The following TCN1 variants were observed in gnomAD, a reference collection of about 807,000 sequenced individuals.
The protein encoded by TCN1 is transcobalamin 1.
A neutral mutation model predicts 46.3 loss-of-function variants in TCN1; 47 were observed. That is an observed-to-expected ratio of 1.01 (90% CI 0.80 to 1.29). The LOEUF (loss-of-function observed/expected upper bound fraction) is 1.29, where lower values mean the gene tolerates loss of function less well. Among genes scored for constraint, TCN1 ranks in the 50% most tolerant of loss-of-function variants. TCN1 has a pLI of 0.00. For missense variants in TCN1, 532 were observed against 511.0 expected (o/e 1.04, Z -0.40); for synonymous variants, 183 against 192.5 (o/e 0.95, Z 0.41).
At position 59,854,699 on chromosome 11, in the gene TCN1, G is replaced by A. The variant is rs1390793924; in HGVS notation, c.1074C>T (p.Phe358=). ...TCTGGGCTTTCTCCATCACACTGAGGAAGACAGAACCATTTAGCACAGTGA... is the reference window on the plus strand; with the variant it reads ...TCTGGGCTTTCTCCATCACACTGAGAAAGACAGAACCATTTAGCACAGTGA... The part of the protein sequence containing the change: ...TNVTVLNGSV[F]LSVMEKAQKM... The change falls in exon 7 of 9, where the codon TTC becomes TTT. Residue 358 remains phenylalanine, a synonymous_variant. Transcript: ENST00000257264. 6 of 1,613,836 alleles carry A rather than the reference G, an allele frequency of 3.7e-6. No homozygotes were observed. Among genetic ancestry groups the A allele is most frequent in the Admixed American group, 1.7e-5 (1 of 59,998 alleles).
intron 5 of TCN1, among the ~76,000 whole-genome samples, chr11:59,858,049 G>T (rs1357993270): frequency 6.6e-6 from 1 of 152,088 alleles, no homozygotes; most frequent in South Asian, 2.1e-4. Context: ...ATAAAGTTCA[G>T]TTTATAAATT....
chr11:59,855,882 G>A lies in TCN1; in HGVS notation c.924C>T (p.Cys308=), dbSNP rs146250932. The change falls in exon 6 of 9, where the codon TGC becomes TGT. Residue 308 remains cysteine, a synonymous_variant. Transcript: ENST00000257264. ...TFLDINKDSS[C]VSASGNFNIS... ...TAATGCTTATACCTGAAGCAGAGACGCAAGAAGAGTCTTTGTTAATATCCA... is the reference window on the plus strand; with the variant it reads ...TAATGCTTATACCTGAAGCAGAGACACAAGAAGAGTCTTTGTTAATATCCA... 378 of 1,613,664 alleles carry A rather than the reference G, an allele frequency of 2.3e-4. No individual in the cohort carries two copies. The highest frequency in any genetic ancestry group is 2.1e-3 in the Middle Eastern group (13 of 6,076).
rs1341598944 is a variant in TCN1, at chr11:59,866,431, G to A, written c.40C>T (p.Leu14=). The A allele has an allele frequency of 1.2e-6, 2 of 1,613,408 alleles. No homozygotes were observed. The highest frequency in any genetic ancestry group is 1.1e-5 in the South Asian group (1 of 91,076). Residue 14 remains leucine, a synonymous_variant, in exon 1 of 9, where the codon CTG becomes TTG. Coordinates refer to ENST00000257264, the MANE Select transcript of TCN1 (RefSeq NM_001062.4). ...SHQLPLVGLL[L]FSFIPSQLCE... ...AGTTGGCTTGGAATAAAAGAAAACAGTAAGAGCCCCACTAGGGGCAGCTGG... is the reference window on the plus strand; with the variant it reads ...AGTTGGCTTGGAATAAAAGAAAACAATAAGAGCCCCACTAGGGGCAGCTGG...
In TCN1 at chr11:59,865,771, G is replaced by A. The variant is rs73490909; in HGVS notation, c.79+621C>T. On this transcript the variant is annotated intron_variant, in intron 1 of 8. Coordinates refer to ENST00000257264, the MANE Select transcript of TCN1 (RefSeq NM_001062.4). Reference sequence around the variant, plus strand: ...AGGGATCAAACTAAACCTGAATTTAGTTTTCCCTTCTCTTACTTTAAAGTT... The same window carrying A: ...AGGGATCAAACTAAACCTGAATTTAATTTTCCCTTCTCTTACTTTAAAGTT... Among the ~76,000 whole-genome samples the A allele has an allele frequency of 5.4e-3, 816 of 152,232 alleles. 6 individuals carry two copies. Among genetic ancestry groups the A allele is most frequent in the African/African-American group, 0.018 (730 of 41,550 alleles).
At position 59,864,075 on chromosome 11, in the gene TCN1, C is replaced by G. The variant is rs1379794935; in HGVS notation, c.91G>C (p.Glu31Gln). ...QLCEICEVSE[E>Q]NYIRLKPLLN... ...AGAGGTTTTAGGCGGATGTAGTTTTCTTCACTTACCTCTGTGGCAGAGAAG... is the reference window on the plus strand; with the variant it reads ...AGAGGTTTTAGGCGGATGTAGTTTTGTTCACTTACCTCTGTGGCAGAGAAG... Residue 31 changes from glutamate (E) to glutamine (Q), a missense_variant, in exon 2 of 9, where the codon GAA becomes CAA. Transcript: ENST00000257264. The G allele has an allele frequency of 1.2e-6, 2 of 1,613,766 alleles. No homozygotes were observed. Among genetic ancestry groups the G allele is most frequent in the South Asian group, 2.2e-5 (2 of 91,084 alleles).
rs891855734 is a variant in TCN1 at position 59,865,553 on chromosome 11, G to T, written c.79+839C>A. On this transcript the variant is annotated intron_variant, in intron 1 of 8. Transcript: ENST00000257264. Reference sequence around the variant, plus strand: ...CTCTTCTTACTGGTTAGAGAGCACAGATAGTACCACCTAGTAATCTTTGGA... The same window carrying T: ...CTCTTCTTACTGGTTAGAGAGCACATATAGTACCACCTAGTAATCTTTGGA... 4.6e-5 allele frequency among the ~76,000 whole-genome samples: 7 copies of T among 152,102 alleles called. 1 individual carries two copies. Among genetic ancestry groups the T allele is most frequent in the Admixed American group, 1.3e-4 (2 of 15,252 alleles).
rs922232188 is a variant in TCN1 at position 59,856,202 on chromosome 11, G to A, written c.748-144C>T. 1.0e-5 allele frequency: 7 copies of A among 678,392 alleles called. No individual in the cohort carries two copies. In the Admixed American group the frequency reaches 1.3e-4, roughly 13 times the overall value. The allele number at this position is 678,392 out of a possible 1,614,324, so 42.0% of individuals were successfully genotyped here. On this transcript the variant is annotated intron_variant, in intron 5 of 8. Transcript: ENST00000257264. ...TATTAATTGAACATTGACTACCTAG[G>A]AAGCACCTCAGATAACTCAGTTATC...
chr11:59,862,319 ATGTG>A (rs111246786), intron 3 of TCN1, among the ~76,000 whole-genome samples: 1 of 150,310 alleles, frequency 6.7e-6, no homozygotes, highest in Non-Finnish European at 1.5e-5. Context: ...GTGTGTGTGC[ATGTG>A]TGTGTGTGTG....
rs551837376 is a variant in TCN1, at chr11:59,863,995, A to G, written c.171T>C (p.Val57=). Residue 57 remains valine, a synonymous_variant, in exon 2 of 9, where the codon GTT becomes GTC. Coordinates refer to ENST00000257264, the MANE Select transcript of TCN1 (RefSeq NM_001062.4). The part of the protein sequence containing the change: ...NYNRGTSAVN[V]VLSLKLVGIQ... ...TTCCAACAAGTTTGAGGGACAACAC[A>G]ACATTGACAGCGCTGGTTCCCCTGT... The G allele has an allele frequency of 1.2e-6, 2 of 1,611,132 alleles. No homozygotes were observed. Among genetic ancestry groups the G allele is most frequent in the African/African-American group, 2.8e-5 (2 of 72,276 alleles).
At chr11:59,857,278 C>T (rs570173714) in intron 5 of TCN1, among the ~76,000 whole-genome samples, 1 of 152,248 alleles carries the variant, frequency 6.6e-6, no homozygotes, top group Non-Finnish European at 1.5e-5. Context: ...CCAGGCTCCA[C>T]CTCTAAATTT....
chr11:59,861,449 C>T (rs1853013097), intron 4 of TCN1, 78 bp downstream of exon 4: 3 of 1,484,036 alleles, frequency 2.0e-6, no homozygotes, highest in Admixed American at 3.3e-5. Context: ...CAGGTACTTA[C>T]TGGTAGAAAA....
intron 6 of TCN1, 114 bp downstream of exon 6, chr11:59,855,755 G>C: frequency 8.6e-7 from 1 of 1,164,140 alleles, no homozygotes; most frequent in Non-Finnish European, 1.3e-6. Context: ...TCTGGCAACT[G>C]TTATGTTTTG....
At position 59,852,907 on chromosome 11, in the gene TCN1, C is replaced by T. The variant is rs1389122860; in HGVS notation, c.*68G>A. 2.9e-6 allele frequency: 4 copies of T among 1,376,088 alleles called. No individual in the cohort carries two copies. Among genetic ancestry groups the T allele is most frequent in the African/African-American group, 1.4e-5 (1 of 70,056 alleles). The allele number at this position is 1,376,088 out of a possible 1,614,324, so 85.2% of individuals were successfully genotyped here. On this transcript the variant is annotated 3_prime_UTR_variant, in exon 9 of 9. Coordinates refer to ENST00000257264, the MANE Select transcript of TCN1 (RefSeq NM_001062.4). Reference sequence around the variant, plus strand: ...GTACTGGGATAAATGAAGAAGAAGGCATAAGGACAATAAACATGGAACTCC... The same window carrying T: ...GTACTGGGATAAATGAAGAAGAAGGTATAAGGACAATAAACATGGAACTCC...
chr11:59,857,762 G>A (rs967056249), intron 5 of TCN1, among the ~76,000 whole-genome samples: 7 of 152,002 alleles, frequency 4.6e-5, no homozygotes, highest in African/African-American at 1.2e-4. Flanking sequence ...AGACCTCAAA[G>A]AGCATATGCA....
intron 7 of TCN1, among the ~76,000 whole-genome samples, chr11:59,854,431 ATTAAT>A (rs1852903955): frequency 1.3e-5 from 2 of 152,280 alleles, no homozygotes; most frequent in South Asian, 4.1e-4. Flanking sequence ...CCTGAGATTC[ATTAAT>A]TTATTTAGCG....
In TCN1 at chr11:59,861,648, G is replaced by C. The variant is rs138039577; in HGVS notation, c.435C>G (p.Tyr145Ter). 6.2e-7 allele frequency: 1 copy of C among 1,614,132 alleles called. No individual in the cohort carries two copies. The highest frequency in any genetic ancestry group is 8.5e-7 in the Non-Finnish European group (1 of 1,179,986). The change falls in exon 4 of 9, where the codon TAC becomes TAG. Residue 145 changes from tyrosine (Y) to a stop codon, truncating the protein, a stop_gained. Coordinates refer to ENST00000257264, the MANE Select transcript of TCN1 (RefSeq NM_001062.4). LOFTEE classifies it high-confidence loss of function. ...AGGCCAAAACGTCCAGGCTGAGCTG[G>C]TAGTAGTTAGTCAGGGGAGTGCCAT... ...AHNGTPLTNYYQLSLDVLALC... is the reference protein window; with the variant it reads ...AHNGTPLTNY
rs569226080 is a variant in TCN1, at chr11:59,855,707, A to G, written c.937+162T>C. The stretch of plus-strand genomic sequence containing the variant: ...TCAGTTAAGAACAAATCCTCAGGTG[A>G]CTGTAAACCCTGGTAACATGAGGAA... On this transcript the variant is annotated intron_variant, in intron 6 of 8. Coordinates refer to ENST00000257264, the MANE Select transcript of TCN1 (RefSeq NM_001062.4). Among the ~76,000 whole-genome samples the G allele has an allele frequency of 3.7e-4, 56 of 152,324 alleles. 1 individual carries two copies. Among genetic ancestry groups the G allele is most frequent in the Middle Eastern group, 6.8e-3 (2 of 294 alleles).
rs1052813637 is a variant in TCN1 at position 59,854,946 on chromosome 11, G to A, written c.938-111C>T. 25 of 1,163,802 alleles carry A rather than the reference G, an allele frequency of 2.1e-5. No individual in the cohort carries two copies. The Middle Eastern group carries it at 1.2e-3, about 57-fold the overall frequency. 72.1% of individuals were successfully genotyped at this position (1,163,802 alleles called of 1,614,324 possible). A position where few individuals can be genotyped will look rare whatever the true frequency, so the allele number is the denominator to read the frequency against. On this transcript the variant is annotated intron_variant, in intron 6 of 8. Coordinates refer to ENST00000257264, the MANE Select transcript of TCN1 (RefSeq NM_001062.4). ...GGACTCCTTGCCTTTATGCAGACACGGATTTACTATAAGGAGCAATTATCA... is the reference window on the plus strand; with the variant it reads ...GGACTCCTTGCCTTTATGCAGACACAGATTTACTATAAGGAGCAATTATCA...
chr11:59,858,122 G>A (rs1196285894), intron 5 of TCN1, among the ~76,000 whole-genome samples: 1 of 152,124 alleles, frequency 6.6e-6, no homozygotes, highest in Non-Finnish European at 1.5e-5. Flanking sequence ...ATATATTACA[G>A]CACCATTGCT....
Sources: allele counts gnomAD v4.1 joint callset (sites outside exome capture counted in the v4.1 genomes callset), GRCh38; gene constraint gnomAD v4.1.1; transcripts MANE v1.5; gene names NCBI Gene and HGNC (gene_info 2026-07-23, HGNC 2026-07-21).